HERC2: variants seen among roughly 807,000 people sequenced by gnomAD.
The protein encoded by HERC2 is HECT and RLD domain containing E3 ubiquitin protein ligase 2, also known as E3 ubiquitin-protein ligase HERC2.
In HERC2, 102 loss-of-function variants were observed where a neutral mutation model predicts 537.7. The observed-to-expected ratio is 0.19, with a 90% CI of 0.16 to 0.22. HERC2 has a LOEUF of 0.22. Ranked by LOEUF, HERC2 falls within the 10% of genes least tolerant of loss-of-function variation. HERC2 has a pLI of 1.00. For missense variants in HERC2, 4,236 were observed against 6,198.2 expected, an observed-to-expected ratio of 0.68 and a Z score of 10.63; for synonymous variants, 2,224 against 2,466.2, an observed-to-expected ratio of 0.90 and a Z score of 2.91.
chr15:28,193,582 CAA>C (rs921234245), intron 52 of HERC2, among the ~76,000 whole-genome samples: 2 of 152,028 alleles, frequency 1.3e-5, no homozygotes, highest in Non-Finnish European at 2.9e-5. Flanking sequence ...CAGAATTTTC[CAA>C]AACAGACAAC....
intron 30 of HERC2, 38 bp downstream of exon 30, chr15:28,233,108 A>G (rs762650088): frequency 4.6e-6 from 7 of 1,525,506 alleles, no homozygotes; most frequent in Non-Finnish European, 5.4e-6. Flanking sequence ...GGTGAAGCAC[A>G]AGCTTTAATA....
intron 3 of HERC2, 72 bp downstream of exon 3, chr15:28,299,330 T>C (rs1175906429): frequency 1.5e-5 from 9 of 606,062 alleles, no homozygotes; most frequent in Non-Finnish European, 2.7e-5. Context: ...CTATAGCACA[T>C]TACAAAATTT....
intron 23 of HERC2, among the ~76,000 whole-genome samples, 199 bp downstream of exon 23, chr15:28,245,680 AAC>A (rs144023617): frequency 0.022 from 3,279 of 151,712 alleles, 121 homozygotes; most frequent in African/African-American, 0.075. Context: ...CACATACATA[AAC>A]ACACATATAT....
chr15:28,115,481 G>A lies in HERC2; in HGVS notation c.13670C>T (p.Pro4557Leu). Residue 4557 changes from proline to leucine, a missense_variant, in exon 89 of 93, where the codon CCT becomes CTT. Transcript: ENST00000261609. ...GSPLSLNLAE[P>L]VWKQLAGMSL... ...CATCCCAGCCAGCTGCTTCCAGACAGGCTCGGCAAGGTTGAGGCTCAGGGG... is the reference window on the plus strand; with the variant it reads ...CATCCCAGCCAGCTGCTTCCAGACAAGCTCGGCAAGGTTGAGGCTCAGGGG... 2 of 1,614,002 alleles carry A rather than the reference G, an allele frequency of 1.2e-6. No individual in the cohort carries two copies. The highest frequency in any genetic ancestry group is 1.7e-6 in the Non-Finnish European group (2 of 1,179,986).
At chr15:28,160,734 ACTGTCCTGCACCCG>A (rs954538826) in intron 69 of HERC2, among the ~76,000 whole-genome samples, 1 of 152,176 alleles carries the variant, frequency 6.6e-6, no homozygotes, top group African/African-American at 2.4e-5. Context: ...CACTGCACCC[ACTGTCCTGCACCCG>A]CTGTCCGACA....
intron 56 of HERC2, 71 bp from the exon 57 acceptor site, chr15:28,182,583 A>C (rs762107340): frequency 3.3e-6 from 4 of 1,219,004 alleles, no homozygotes; most frequent in Non-Finnish European, 4.6e-6. Context: ...AAAAATAAAA[A>C]GAAAAGCAAC....
At chr15:28,169,348 G>T in intron 66 of HERC2, 136 bp downstream of exon 66, 1 of 588,686 alleles carries the variant, frequency 1.7e-6, no homozygotes. Flanking sequence ...CAAAGAACTT[G>T]TGACTTACAA....
chr15:28,272,872 T>C (rs1387888216), intron 8 of HERC2, 22 bp downstream of exon 8: 2 of 1,550,212 alleles, frequency 1.3e-6, no homozygotes, highest in South Asian at 1.1e-5. Flanking sequence ...CCCAAAGCGT[T>C]CCCGTCTGCG....
In HERC2 at chr15:28,215,717, C is replaced by G; in HGVS notation, c.6114G>C (p.Gln2038His). Residue 2038 changes from glutamine (Q) to histidine (H), a missense_variant, in exon 39 of 93, where the codon CAG (glutamine) becomes CAC (histidine). Around this residue, in one of 27 missense-constraint regions of HERC2, gnomAD observed 365 missense variants for 468.8 expected, o/e 0.78. Transcript: ENST00000261609. ...GCGGGGAGCTGAGGGCGCCGCATAC[C>G]TGCGGCGTGAGAGCGATGCTCCGCA... is the stretch of plus-strand genomic sequence containing the variant. Reference protein sequence around the residue: ...GFVRSIALTPQVCGALSSPQW... With the variant: ...GFVRSIALTPHVCGALSSPQW... The G allele has an allele frequency of 3.1e-6, 5 of 1,611,764 alleles. No homozygotes were observed. The highest frequency in any genetic ancestry group is 4.2e-6 in the Non-Finnish European group (5 of 1,179,596).
In HERC2 at chr15:28,256,228, C is replaced by T. The variant is rs1186795380; in HGVS notation, c.2607G>A (p.Val869=). 3 of 1,599,872 alleles carry T rather than the reference C, an allele frequency of 1.9e-6. No individual in the cohort carries two copies. Among genetic ancestry groups the T allele is most frequent in the Non-Finnish European group, 8.5e-7 (1 of 1,179,890 alleles). ...CGCCCGCACTGCTGGCCAGGGTCAC[C>T]ACCGTCTGCTTCAGGCTGTTCAGGA... ...SILLNSLKQT[V]VTLASSAGVL... The change falls in exon 18 of 93, where the codon GTG becomes GTA. Residue 869 remains valine, a synonymous_variant. Transcript: ENST00000261609.
At chr15:28,297,897 C>T (rs2141183060) in intron 3 of HERC2, among the ~76,000 whole-genome samples, 1 of 147,968 alleles carries the variant, frequency 6.8e-6, no homozygotes, top group East Asian at 2.1e-4. Flanking sequence ...GTCTAAGGAG[C>T]TAGGTGAGAC....
intron 69 of HERC2, among the ~76,000 whole-genome samples, chr15:28,157,816 C>G (rs1421194746): frequency 1.3e-5 from 2 of 152,120 alleles, no homozygotes; most frequent in Non-Finnish European, 2.9e-5. Flanking sequence ...TTCTCTAGTT[C>G]TTTTAATTGT....
intron 16 of HERC2, among the ~76,000 whole-genome samples, chr15:28,259,605 G>A (rs1031902563): frequency 7.9e-5 from 12 of 152,002 alleles, no homozygotes; most frequent in African/African-American, 2.9e-4. Context: ...CATCTCTAAT[G>A]AGCATCAACA....
chr15:28,117,166 G>A lies in HERC2; in HGVS notation c.13273-12C>T, dbSNP rs1566909108. On this transcript the variant is annotated splice_polypyrimidine_tract_variant and intron_variant, in intron 86 of 92. Transcript: ENST00000261609. Reference sequence around the variant, plus strand: ...CTTGATCGTTTGACCTGGAGAGGAGGAAGCAAGCAAGCGTGAGGCCGCTGC... The same window carrying A: ...CTTGATCGTTTGACCTGGAGAGGAGAAAGCAAGCAAGCGTGAGGCCGCTGC... 8 of 1,613,524 alleles carry A rather than the reference G, an allele frequency of 5.0e-6. No homozygotes were observed. The highest frequency in any genetic ancestry group is 2.7e-5 in the African/African-American group (2 of 74,944).
chr15:28,235,464 GCCCAGCA>G (rs1304190961), intron 26 of HERC2, among the ~76,000 whole-genome samples: 2 of 152,118 alleles, frequency 1.3e-5, no homozygotes, highest in African/African-American at 4.8e-5. Context: ...ACCACAGGCA[GCCCAGCA>G]CCCAGCACTG....
chr15:28,180,502 T>C (rs544696607), intron 57 of HERC2, among the ~76,000 whole-genome samples: 3 of 152,342 alleles, frequency 2.0e-5, no homozygotes, highest in Non-Finnish European at 4.4e-5. Flanking sequence ...AATGATACAC[T>C]GTGATTGACT....
intron 2 of HERC2, chr15:28,315,711 A>G (rs1326759671): frequency 3.3e-6 from 3 of 905,780 alleles, no homozygotes; most frequent in Non-Finnish European, 5.3e-6. Context: ...CAAGTGGAGG[A>G]AGAAGCGAAT....
At chr15:28,317,131 G>C (rs912503267) in intron 2 of HERC2, among the ~76,000 whole-genome samples, 2 of 147,256 alleles carry the variant, frequency 1.4e-5, no homozygotes, top group Non-Finnish European at 3.0e-5. Flanking sequence ...TGCTGTGTTG[G>C]CCAGGCTGGA....
At chr15:28,230,584 G>A (rs1761666174) in intron 30 of HERC2, 84 bp from the exon 31 acceptor site, 1 of 952,140 alleles carries the variant, frequency 1.1e-6, no homozygotes. Context: ...TTTACATGAA[G>A]GACAAATATC....
Sources: gnomAD v4.1 joint callset for allele counts (sites outside exome capture counted in the v4.1 genomes callset) on GRCh38, gnomAD v4.1.1 for gene constraint, gnomAD v4.1.1 regional missense constraint, MANE v1.5 for transcripts, NCBI Gene and HGNC (gene_info 2026-07-23, HGNC 2026-07-21) for gene names.